The following PER2 variants were observed in gnomAD, a reference collection of about 807,000 sequenced individuals.
PER2 encodes the protein period circadian regulator 2, also known as period circadian protein homolog 2.
Under a neutral mutation model 121.0 loss-of-function variants are expected in PER2, and 66 were observed. The observed-to-expected ratio is 0.55, with a 90% CI of 0.45 to 0.67. The LOEUF (loss-of-function observed/expected upper bound fraction) is 0.67. Ranked by LOEUF, PER2 falls within the 30% of genes least tolerant of loss-of-function variation. The pLI is 0.00. For synonymous variants in PER2, 684 were observed against 659.9 expected, an observed-to-expected ratio of 1.04 and a Z score of -0.56; for missense variants, 1,521 against 1,635.0, an observed-to-expected ratio of 0.93 and a Z score of 1.20.
chr2:238,297,091 G>A, the PER2 span, among the ~76,000 whole-genome samples: 1 of 152,204 alleles, frequency 6.6e-6, no homozygotes, highest in African/African-American at 2.4e-5. Context: ...ACTTGAGACA[G>A]GAACGAGGAG....
chr2:238,268,302 G>A lies in PER2; in HGVS notation c.825-104C>T. 1.7e-6 allele frequency: 2 copies of A among 1,199,656 alleles called. No individual in the cohort carries two copies. The highest frequency in any genetic ancestry group is 2.4e-6 in the Non-Finnish European group (2 of 830,308). The allele number at this position is 1,199,656 out of a possible 1,614,324, so 74.3% of individuals were successfully genotyped here. A position where few individuals can be genotyped will look rare whatever the true frequency, so the allele number is the denominator to read the frequency against. Reference sequence around the variant, plus strand: ...CCCCATGCCATGCTGCAGGTGATGTGTACCTCTGCTCTGCCTGAGGAGCTG... The same window carrying A: ...CCCCATGCCATGCTGCAGGTGATGTATACCTCTGCTCTGCCTGAGGAGCTG... On this transcript the variant is annotated intron_variant, in intron 7 of 22. Coordinates refer to ENST00000254657, the MANE Select transcript of PER2 (RefSeq NM_022817.3). This position sits in a 1 kb window ranked among gnomAD's most constrained non-coding sequence, Gnocchi z 4.0.
chr2:238,270,704 C>A (rs1162311776), intron 6 of PER2, among the ~76,000 whole-genome samples: 1 of 152,194 alleles, frequency 6.6e-6, no homozygotes, highest in Non-Finnish European at 1.5e-5. Context: ...GCTGGGAGGG[C>A]CTGGCTGGGG....
intron 1 of PER2, among the ~76,000 whole-genome samples, chr2:238,287,743 A>G (rs1696830660): frequency 6.6e-6 from 1 of 152,158 alleles, no homozygotes. Context: ...TTCTGTATGA[A>G]TCAGCTTTCC....
chr2:238,261,014 C>A lies in PER2; in HGVS notation c.1417-61G>T, dbSNP rs147031720. 3.2e-6 allele frequency: 5 copies of A among 1,580,982 alleles called. No homozygotes were observed. In the Admixed American group the frequency reaches 5.0e-5, roughly 16 times the overall value. On this transcript the variant is annotated intron_variant, in intron 12 of 22. Coordinates refer to ENST00000254657, the MANE Select transcript of PER2 (RefSeq NM_022817.3). Reference sequence around the variant, plus strand: ...AGGGCTGCTGAGCTATGCATGTGGCCCCCTGCCAACACACCCTGTTTCGCA... The same window carrying A: ...AGGGCTGCTGAGCTATGCATGTGGCACCCTGCCAACACACCCTGTTTCGCA...
chr2:238,255,655 A>C lies in PER2; in HGVS notation c.2320+2T>G. The C allele has an allele frequency of 1.9e-6, 3 of 1,614,194 alleles. No individual in the cohort carries two copies. The highest frequency in any genetic ancestry group is 2.5e-6 in the Non-Finnish European group (3 of 1,179,966). ...CGCACTTTTAATTCGGGTATCACTT[A>C]CTTCGTTCACTTGGCTGCCCCTTGG... On this transcript the variant is annotated splice_donor_variant, in intron 18 of 22. Transcript: ENST00000254657. LOFTEE classifies it high-confidence loss of function.
chr2:238,261,213 G>A (rs1321115077), intron 12 of PER2, among the ~76,000 whole-genome samples: 2 of 152,212 alleles, frequency 1.3e-5, no homozygotes, highest in African/African-American at 2.4e-5. Context: ...GCTCATCAAC[G>A]CATGGCTGCA....
intron 17 of PER2, among the ~76,000 whole-genome samples, chr2:238,256,531 A>T (rs1464371833): frequency 6.6e-6 from 1 of 152,266 alleles, no homozygotes; most frequent in East Asian, 1.9e-4. Flanking sequence ...GTCCACAAAC[A>T]GGGAGAGCTA....
intron 12 of PER2, among the ~76,000 whole-genome samples, chr2:238,261,251 AAAAC>A (rs759797593): frequency 3.3e-4 from 50 of 152,254 alleles, no homozygotes; most frequent in Non-Finnish European, 5.3e-4. Context: ...GGATGGGTTT[AAAAC>A]AAACAAGATG....
In PER2 at chr2:238,271,343, C is replaced by A. The variant is rs1559332383; in HGVS notation, c.741G>T (p.Lys247Asn). ...CACTGCACATGCTCCACAAGGGAAG[C>A]TTGTACGGGGAGGTGAAACTGTGGA... ...GVFHSFTSPYKLPLWSMCSGA... is the reference protein window; with the variant it reads ...GVFHSFTSPYNLPLWSMCSGA... The change falls in exon 6 of 23, where the codon AAG becomes AAT. Residue 247 changes from lysine to asparagine, a missense_variant. Coordinates refer to ENST00000254657, the MANE Select transcript of PER2 (RefSeq NM_022817.3). The A allele has an allele frequency of 6.2e-7, 1 of 1,614,172 alleles. No homozygotes were observed. The highest frequency in any genetic ancestry group is 1.3e-5 in the African/African-American group (1 of 75,062).
chr2:238,274,636 G>A (rs567137732), intron 4 of PER2, among the ~76,000 whole-genome samples: 339 of 152,332 alleles, frequency 2.2e-3, no homozygotes, highest in African/African-American at 6.7e-3. Flanking sequence ...TGATCAGAAC[G>A]AACTTTCCCT....
intron 1 of PER2, among the ~76,000 whole-genome samples, chr2:238,286,762 G>A (rs1432048525): frequency 6.6e-6 from 1 of 152,210 alleles, no homozygotes; most frequent in Non-Finnish European, 1.5e-5. Flanking sequence ...GCCGTGGTTT[G>A]CCGAGTCCTG....
At chr2:238,248,236 T>C (rs1428102370) in intron 22 of PER2, among the ~76,000 whole-genome samples, 1 of 152,204 alleles carries the variant, frequency 6.6e-6, no homozygotes, top group African/African-American at 2.4e-5. Flanking sequence ...CTGCTGCCAA[T>C]GGTCCCTGGG....
At position 238,246,186 on chromosome 2, in the gene PER2, C is replaced by T. The variant is rs1205244347; in HGVS notation, c.*189G>A. The stretch of plus-strand genomic sequence containing the variant: ...TTATATATAAAAACATATTTCTTTC[C>T]GAACTCTCCCCACTCTCCACAGTTT... On this transcript the variant is annotated 3_prime_UTR_variant, in exon 23 of 23. Coordinates refer to ENST00000254657, the MANE Select transcript of PER2 (RefSeq NM_022817.3). The T allele has an allele frequency of 2.8e-5, 11 of 389,146 alleles. No individual in the cohort carries two copies. Among genetic ancestry groups the T allele is most frequent in the South Asian group, 2.3e-4 (3 of 12,810 alleles). The allele number at this position is 389,146 out of a possible 1,614,324, so 24.1% of individuals were successfully genotyped here.
chr2:238,253,528 G>A lies in PER2; in HGVS notation c.2495C>T (p.Ser832Leu), dbSNP rs1008195179. ...GCTGGACTGGGACGTGTCTGAGGGT[G>A]ACCAGGCTGTGGCGTTCAAGCCCAC... ...PLVGLNATAW[S>L]PSDTSQSSCP... is the part of the protein sequence containing the mutation. Residue 832 changes from serine to leucine, a missense_variant, in exon 19 of 23, where the codon TCA becomes TTA. Transcript: ENST00000254657. This position sits in a 1 kb window ranked among gnomAD's most constrained non-coding sequence, Gnocchi z 5.6. The A allele has an allele frequency of 6.2e-7, 1 of 1,611,506 alleles. No homozygotes were observed. Among genetic ancestry groups the A allele is most frequent in the Non-Finnish European group, 8.5e-7 (1 of 1,179,222 alleles).
chr2:238,268,020 GACA>G lies in PER2; in HGVS notation c.967+33_967+35del. ...CAGGAGTAACTGAGGGGGAGCCAGA[GACA>G]ACATCTGCCCTCGCCCTGGGCTTGG... On this transcript the variant is annotated intron_variant, in intron 8 of 22. Transcript: ENST00000254657. The surrounding 1 kb of genome is among the most constrained non-coding windows in gnomAD (Gnocchi z 4.0). The G allele has an allele frequency of 6.2e-7, 1 of 1,610,972 alleles. No individual in the cohort carries two copies. The highest frequency in any genetic ancestry group is 8.5e-7 in the Non-Finnish European group (1 of 1,178,716).
Position 238,246,352 on chromosome 2 carries a change from G to A in PER2, c.*23C>T. The A allele has an allele frequency of 1.3e-6, 2 of 1,571,714 alleles. No individual in the cohort carries two copies. Among genetic ancestry groups the A allele is most frequent in the Non-Finnish European group, 8.7e-7 (1 of 1,154,672 alleles). Reference sequence around the variant, plus strand: ...CACCACCTGGTGTACCTCGCTGGCTGCCGGGCTGAGGTGGGGCAGGGGTTA... The same window carrying A: ...CACCACCTGGTGTACCTCGCTGGCTACCGGGCTGAGGTGGGGCAGGGGTTA... On this transcript the variant is annotated 3_prime_UTR_variant, in exon 23 of 23. Transcript: ENST00000254657.
rs1695940306 is a variant in PER2, at chr2:238,261,744, G to C, written c.1401C>G (p.His467Gln). The change falls in exon 12 of 23, where the codon CAC (histidine) becomes CAG (glutamine). Residue 467 changes from histidine (H) to glutamine (Q), a missense_variant. Transcript: ENST00000254657. ...CCACACCCACCTGCAGCAGGAGCCG[G>C]TGGATCTGCTCTGTGAGCTCCTGAA... ...PSIQELTEQI[H>Q]RLLLQPVPHS... is the part of the protein sequence containing the mutation. 7 of 1,560,806 alleles carry C rather than the reference G, an allele frequency of 4.5e-6. No homozygotes were observed. Among genetic ancestry groups the C allele is most frequent in the Non-Finnish European group, 6.1e-6 (7 of 1,151,364 alleles).
chr2:238,291,160 G>A (rs1696944457), upstream of PER2, among the ~76,000 whole-genome samples: 1 of 152,216 alleles, frequency 6.6e-6, no homozygotes, highest in Admixed American at 6.5e-5. Context: ...TGGGGGTGGA[G>A]GTGGAGTGGT....
At chr2:238,257,403 C>A (rs1444337478) in intron 16 of PER2, among the ~76,000 whole-genome samples, 1 of 152,240 alleles carries the variant, frequency 6.6e-6, no homozygotes, top group Non-Finnish European at 1.5e-5. Flanking sequence ...AGCCAGGCAG[C>A]CCTTCTGCAG....
Sources: allele counts gnomAD v4.1 joint callset (sites outside exome capture counted in the v4.1 genomes callset), GRCh38; gene constraint gnomAD v4.1.1; non-coding constraint Gnocchi (gnomAD v3.1); transcripts MANE v1.5; gene names NCBI Gene and HGNC (gene_info 2026-07-23, HGNC 2026-07-21).